TCOF1: variants seen among roughly 807,000 people sequenced by gnomAD.
The protein encoded by TCOF1 is treacle protein.
Under a neutral mutation model 149.0 loss-of-function variants are expected in TCOF1, and 33 were observed. That is an observed-to-expected ratio of 0.22 (90% CI 0.17 to 0.30). The LOEUF (loss-of-function observed/expected upper bound fraction) is 0.30, where lower values mean the gene tolerates loss of function less well. Ranked by LOEUF, TCOF1 falls within the 10% of genes least tolerant of loss-of-function variation. The pLI, the probability that TCOF1 is intolerant of heterozygous loss-of-function variation, is 1.00. For synonymous variants in TCOF1, 789 were observed against 738.8 expected (o/e 1.07, Z -1.10); for missense variants, 1,728 against 1,840.7 (o/e 0.94, Z 1.12).
At chr5:150,371,416 C>T (rs894902601) in intron 6 of TCOF1, among the ~76,000 whole-genome samples, 3 of 152,174 alleles carry the variant, frequency 2.0e-5, no homozygotes, top group Non-Finnish European at 2.9e-5. Context: ...TGAGGCTGTG[C>T]AGAGCTCCAG....
chr5:150,382,180 TA>T (rs746162944), intron 17 of TCOF1, among the ~76,000 whole-genome samples: 13 of 150,566 alleles, frequency 8.6e-5, no homozygotes, highest in Non-Finnish European at 1.9e-4. Flanking sequence ...AAAAAGAGAT[TA>T]GGGGGTAGAC....
At chr5:150,389,704 A>C (rs1316717631) in intron 18 of TCOF1, among the ~76,000 whole-genome samples, 183 bp from the exon 19 acceptor site, 2 of 152,228 alleles carry the variant, frequency 1.3e-5, no homozygotes, top group Non-Finnish European at 2.9e-5. Flanking sequence ...AGCCTTGTCA[A>C]ATGACATAAT....
At chr5:150,368,212 T>A (rs1761772570) in intron 4 of TCOF1, 2 of 437,970 alleles carry the variant, frequency 4.6e-6, no homozygotes, top group African/African-American at 4.0e-5. Context: ...ACTCAACAGA[T>A]CTTGACTAAT....
intron 12 of TCOF1, 53 bp from the exon 13 acceptor site, chr5:150,376,029 G>A (rs1763715703): frequency 3.1e-6 from 5 of 1,613,194 alleles, no homozygotes; most frequent in African/African-American, 2.7e-5. Flanking sequence ...CAGAACAGAT[G>A]GGGGACTCTG....
chr5:150,376,761 C>A, intron 14 of TCOF1, 141 bp downstream of exon 14: 1 of 850,532 alleles, frequency 1.2e-6, no homozygotes, highest in Admixed American at 2.0e-5. Flanking sequence ...CCTTCCCTAT[C>A]TTTCACTCCA....
intron 19 of TCOF1, among the ~76,000 whole-genome samples, chr5:150,390,627 GAC>G (rs1767217199): frequency 4.0e-5 from 6 of 148,952 alleles, no homozygotes; most frequent in Admixed American, 4.0e-4. Flanking sequence ...TGAAGTCCAT[GAC>G]ACACTCTGAC....
rs548828328 is a variant in TCOF1, at chr5:150,400,147, G to T, written c.*360G>T. ...CCCACCACCTTGCTCCACAGATCCA[G>T]CTAGGCCTGACCTGTGCCTCATCCC... On this transcript the variant is annotated 3_prime_UTR_variant, in exon 27 of 27. Transcript: ENST00000643257. 6.6e-6 allele frequency: 1 copy of T among 152,198 alleles called. No individual in the cohort carries two copies. The highest frequency in any genetic ancestry group is 2.4e-5 in the African/African-American group (1 of 41,406). 9.4% of individuals were successfully genotyped at this position (152,198 alleles called of 1,614,324 possible).
In TCOF1 at chr5:150,375,927, A is replaced by C. The variant is rs754500416; in HGVS notation, c.1893+18A>C. 1 of 1,613,998 alleles carries C rather than the reference A, an allele frequency of 6.2e-7. No homozygotes were observed. The highest frequency in any genetic ancestry group is 8.5e-7 in the Non-Finnish European group (1 of 1,180,006). ...CAGCTCAGGTGAGGCCTGGGGAAGG[A>C]GGCTGCTACATGGCCTGATCTGCCA... On this transcript the variant is annotated intron_variant, in intron 12 of 26. Coordinates refer to ENST00000643257, the MANE Select transcript of TCOF1 (RefSeq NM_001371623.1).
chr5:150,387,785 A>C, intron 17 of TCOF1, 117 bp from the exon 18 acceptor site: 1 of 1,424,338 alleles, frequency 7.0e-7, no homozygotes, highest in Non-Finnish European at 9.7e-7. Flanking sequence ...TTCTGTGCCC[A>C]GCTGCCCCTG....
intron 2 of TCOF1, among the ~76,000 whole-genome samples, chr5:150,362,778 C>T (rs1284882731): frequency 6.6e-6 from 1 of 152,140 alleles, no homozygotes; most frequent in Non-Finnish European, 1.5e-5. Context: ...CTGACTTGCC[C>T]AGGTGAGTGG....
intron 17 of TCOF1, chr5:150,383,720 T>C (rs1765706016): frequency 3.2e-6 from 5 of 1,551,666 alleles, no homozygotes; most frequent in Non-Finnish European, 4.4e-6. Context: ...TCCCTGTATC[T>C]CTCTGTTTTC....
At chr5:150,391,246 A>C (rs952751815) in intron 19 of TCOF1, among the ~76,000 whole-genome samples, 2 of 152,166 alleles carry the variant, frequency 1.3e-5, no homozygotes. Context: ...CCTGACTGCT[A>C]GTGGTTATAA....
At chr5:150,378,494 A>G in intron 14 of TCOF1, 1 of 254,134 alleles carries the variant, frequency 3.9e-6, no homozygotes, top group South Asian at 4.6e-5. Context: ...CATGTTTCTG[A>G]CCTTTTATGG....
intron 1 of TCOF1, among the ~76,000 whole-genome samples, chr5:150,359,613 G>A (rs1259168064): frequency 3.3e-5 from 5 of 152,152 alleles, no homozygotes; most frequent in Non-Finnish European, 4.4e-5. Flanking sequence ...GCCCTAAGAC[G>A]TTATGTATGC....
intron 24 of TCOF1, among the ~76,000 whole-genome samples, chr5:150,398,082 C>G (rs896176721): frequency 6.6e-6 from 1 of 152,204 alleles, no homozygotes; most frequent in African/African-American, 2.4e-5. Context: ...ACCACCATCC[C>G]CAGCTAATTT....
At position 150,385,319 on chromosome 5, in the gene TCOF1, G is replaced by C. The variant is rs1463750784; in HGVS notation, c.2860-2583G>C. Among the ~76,000 whole-genome samples, 25 of 152,340 alleles carry C rather than the reference G, an allele frequency of 1.6e-4. No homozygotes were observed. In the East Asian group the frequency reaches 4.8e-3, roughly 29 times the overall value. On this transcript the variant is annotated intron_variant, in intron 17 of 26. Transcript: ENST00000643257. ...AGGCCTAGCATAATTGGTTCTAGAA[G>C]GAGCTCCAGTCTGGTGCCTGGAGAA...
rs1765946184 is a variant in TCOF1 at position 150,384,783 on chromosome 5, A to AT, written c.2860-3114dup. ...GCTGCAGCCTCTTCCTGATTGAGAGATTTTTAGTTCCTAATCCCCAGCTCA... is the reference window on the plus strand; with the variant it reads ...GCTGCAGCCTCTTCCTGATTGAGAGATTTTTTAGTTCCTAATCCCCAGCTCA... On this transcript the variant is annotated intron_variant, in intron 17 of 26. Transcript: ENST00000643257. 8.1e-6 allele frequency: 8 copies of AT among 985,344 alleles called. No homozygotes were observed. The South Asian group carries it at 1.9e-4, about 23-fold the overall frequency. 61.0% of individuals were successfully genotyped at this position (985,344 alleles called of 1,614,324 possible). A position where few individuals can be genotyped will look rare whatever the true frequency, so the allele number is the denominator to read the frequency against.
intron 2 of TCOF1, among the ~76,000 whole-genome samples, chr5:150,362,394 T>C (rs923526822): frequency 6.6e-6 from 1 of 152,052 alleles, no homozygotes; most frequent in African/African-American, 2.4e-5. Flanking sequence ...TGAGGAATGG[T>C]AGAGAGTACT....
intron 4 of TCOF1, chr5:150,368,398 C>A: frequency 2.4e-6 from 1 of 420,152 alleles, no homozygotes; most frequent in South Asian, 2.5e-5. Context: ...AGAATTGTGC[C>A]TCTGCGATTG....
Sources: allele counts gnomAD v4.1 joint callset (sites outside exome capture counted in the v4.1 genomes callset), GRCh38; gene constraint gnomAD v4.1.1; transcripts MANE v1.5; gene names NCBI Gene and HGNC (gene_info 2026-07-23, HGNC 2026-07-21).